EFHC1: variants seen among roughly 807,000 people sequenced by gnomAD.
The protein encoded by EFHC1 is EF-hand domain-containing protein 1.
Under a neutral mutation model 69.9 loss-of-function variants are expected in EFHC1, and 53 were observed. The ratio of observed to expected loss-of-function variants is 0.76; its 90% CI spans 0.61 to 0.95. The LOEUF (loss-of-function observed/expected upper bound fraction) is 0.95. Ranked by LOEUF, EFHC1 falls within the 40% of genes least tolerant of loss-of-function variation. The probability of loss-of-function intolerance (pLI) is 0.00; values close to 1 mark genes in which losing one functional copy is unlikely to be tolerated. For synonymous variants in EFHC1, 256 were observed against 278.4 expected, an observed-to-expected ratio of 0.92 and a Z score of 0.80; for missense variants, 739 against 798.7, an observed-to-expected ratio of 0.93 and a Z score of 0.90.
chr6:52,433,488 TGGTACTGGG>T (rs1274638673), intron 2 of EFHC1, among the ~76,000 whole-genome samples: 2 of 152,216 alleles, frequency 1.3e-5, no homozygotes, highest in African/African-American at 2.4e-5. Flanking sequence ...GGCTCCAGGC[TGGTACTGGG>T]GGTTGTCTGC....
rs374501682 is a variant in EFHC1 at position 52,479,264 on chromosome 6, C to T, written c.1492+14C>T. On this transcript the variant is annotated intron_variant, in intron 8 of 10. Coordinates refer to ENST00000371068, the MANE Select transcript of EFHC1 (RefSeq NM_018100.4). The stretch of plus-strand genomic sequence containing the variant: ...CTGTGATTGAAGGTAGGTCTAAACA[C>T]AGTCCAGAATTTCCTACTGGCTGCC... 4.2e-5 allele frequency: 68 copies of T among 1,613,454 alleles called. No individual in the cohort carries two copies. The highest frequency in any genetic ancestry group is 5.1e-5 in the Non-Finnish European group (60 of 1,179,712).
At chr6:52,478,425 TA>T (rs527754851) in intron 7 of EFHC1, among the ~76,000 whole-genome samples, 20 of 151,352 alleles carry the variant, frequency 1.3e-4, no homozygotes, top group East Asian at 5.8e-4. Context: ...TAAACTATAA[TA>T]AAAAAAAAGA....
In EFHC1 at chr6:52,494,893, C is replaced by T. The variant is rs1040056768; in HGVS notation, c.*2552C>T. The T allele has an allele frequency of 5.3e-5, 24 of 450,550 alleles. No individual in the cohort carries two copies. The highest frequency in any genetic ancestry group is 2.8e-4 in the African/African-American group (14 of 49,906). The allele number at this position is 450,550 out of a possible 1,614,324, so 27.9% of individuals were successfully genotyped here. A position where few individuals can be genotyped will look rare whatever the true frequency, so the allele number is the denominator to read the frequency against. On this transcript the variant is annotated 3_prime_UTR_variant, in exon 11 of 11. Transcript: ENST00000371068. The stretch of plus-strand genomic sequence containing the variant: ...TACATGATTTCATTTTTTATGGCTG[C>T]GTAGTATTCCATGGTGTAGATATAC...
At chr6:52,447,414 A>G (rs951206477) in intron 3 of EFHC1, among the ~76,000 whole-genome samples, 2 of 152,278 alleles carry the variant, frequency 1.3e-5, no homozygotes, top group African/African-American at 4.8e-5. Flanking sequence ...CAGCTCCATC[A>G]GGTCATGTAA....
At chr6:52,459,516 G>A (rs1000055431) in intron 5 of EFHC1, among the ~76,000 whole-genome samples, 5 of 152,204 alleles carry the variant, frequency 3.3e-5, no homozygotes, top group Non-Finnish European at 4.4e-5. Context: ...AGATACTACT[G>A]TATACCCACT....
intron 2 of EFHC1, among the ~76,000 whole-genome samples, chr6:52,427,022 G>A (rs928807702): frequency 6.6e-6 from 1 of 152,184 alleles, no homozygotes; most frequent in Non-Finnish European, 1.5e-5. Context: ...ACTGTGACAT[G>A]AAAGTCATCT....
intron 2 of EFHC1, among the ~76,000 whole-genome samples, chr6:52,435,505 T>C (rs1360688135): frequency 6.6e-6 from 1 of 152,232 alleles, no homozygotes; most frequent in African/African-American, 2.4e-5. Flanking sequence ...TATGTTTACA[T>C]TTCTATGAGA....
intron 7 of EFHC1, among the ~76,000 whole-genome samples, chr6:52,478,225 T>G: frequency 6.8e-6 from 1 of 147,822 alleles, no homozygotes; most frequent in African/African-American, 2.5e-5. Flanking sequence ...AATTGAACAA[T>G]GAGATCACAT....
intron 3 of EFHC1, among the ~76,000 whole-genome samples, chr6:52,442,817 G>A (rs182532357): frequency 7.7e-4 from 118 of 152,266 alleles, no homozygotes; most frequent in Middle Eastern, 3.4e-3. Flanking sequence ...GCCCAGTAAT[G>A]GGATGGCTGG....
At chr6:52,446,417 ATCT>A (rs1764787888) in intron 3 of EFHC1, among the ~76,000 whole-genome samples, 1 of 151,988 alleles carries the variant, frequency 6.6e-6, no homozygotes, top group African/African-American at 2.4e-5. Flanking sequence ...TGCTTGGTAG[ATCT>A]TCTGCCATCC....
intron 10 of EFHC1, among the ~76,000 whole-genome samples, chr6:52,491,654 C>G (rs9395797): frequency 3.9e-5 from 6 of 152,082 alleles, no homozygotes; most frequent in Non-Finnish European, 7.3e-5. Context: ...ACCGTCATTA[C>G]GAGAGTTAAC....
chr6:52,428,422 T>C (rs775360732), intron 2 of EFHC1, among the ~76,000 whole-genome samples: 25 of 152,188 alleles, frequency 1.6e-4, no homozygotes, highest in Non-Finnish European at 3.4e-4. Flanking sequence ...CTACCACTTA[T>C]GAGTGAGAAC....
At position 52,495,529 on chromosome 6, in the gene EFHC1, T is replaced by C. The variant is rs1766032745; in HGVS notation, c.*3188T>C. On this transcript the variant is annotated 3_prime_UTR_variant, in exon 11 of 11. Coordinates refer to ENST00000371068, the MANE Select transcript of EFHC1 (RefSeq NM_018100.4). ...CCTCAGCTTTGGGTCTCAGCCAAAA[T>C]GGAGATTTAGGAAAGTCTCATTTAG... 2.2e-6 allele frequency: 1 copy of C among 454,026 alleles called. No individual in the cohort carries two copies. The highest frequency in any genetic ancestry group is 2.0e-5 in the African/African-American group (1 of 50,014). 28.1% of individuals were successfully genotyped at this position (454,026 alleles called of 1,614,324 possible).
chr6:52,469,910 T>C (rs1054689604), intron 7 of EFHC1, among the ~76,000 whole-genome samples: 60 of 152,302 alleles, frequency 3.9e-4, no homozygotes, highest in African/African-American at 1.4e-3. Flanking sequence ...GTTATGTGAC[T>C]AATAGTTAAG....
At chr6:52,421,350 T>G (rs1764187316) in intron 1 of EFHC1, among the ~76,000 whole-genome samples, 1 of 152,226 alleles carries the variant, frequency 6.6e-6, no homozygotes, top group Admixed American at 6.5e-5. Flanking sequence ...TTAGATTTTG[T>G]TTTGCTCCTT....
chr6:52,465,947 A>C (rs993379399), intron 6 of EFHC1, among the ~76,000 whole-genome samples: 2 of 150,640 alleles, frequency 1.3e-5, no homozygotes. Context: ...TTATATTATG[A>C]CATATAGATA....
chr6:52,455,392 C>T (rs952501766), intron 5 of EFHC1, among the ~76,000 whole-genome samples: 20 of 152,034 alleles, frequency 1.3e-4, no homozygotes, highest in Admixed American at 4.6e-4. Context: ...CGGTGGCTCA[C>T]ACCTGTAATC....
At chr6:52,490,010 A>T in intron 9 of EFHC1, 130 bp from the exon 10 acceptor site, 2 of 846,318 alleles carry the variant, frequency 2.4e-6, no homozygotes, top group South Asian at 3.0e-5. Context: ...GTGTTCAGTT[A>T]TTGGTCAGCT....
chr6:52,421,098 T>C (rs756013061), intron 1 of EFHC1: 27 of 941,980 alleles, frequency 2.9e-5, no homozygotes, highest in Non-Finnish European at 3.4e-5. Context: ...TATGCTTGCA[T>C]CCAACCCCAT....
Sources: gnomAD v4.1 joint callset for allele counts (sites outside exome capture counted in the v4.1 genomes callset) on GRCh38, gnomAD v4.1.1 for gene constraint, MANE v1.5 for transcripts, NCBI Gene and HGNC (gene_info 2026-07-23, HGNC 2026-07-21) for gene names.